GFOD1: variants seen among roughly 807,000 people sequenced by gnomAD.
GFOD1 encodes Gfo/Idh/MocA-like oxidoreductase domain containing 1, also known as glucose-fructose oxidoreductase domain-containing protein 1.
GFOD1 carries 9 observed loss-of-function variants against 25.4 expected under a neutral mutation model. The observed-to-expected ratio is 0.35, with a 90% CI of 0.21 to 0.62. GFOD1 has a LOEUF of 0.62. GFOD1 is among the 20% of genes least tolerant of loss of function. GFOD1 has a pLI of 0.72. For missense variants in GFOD1, 403 were observed against 556.9 expected (o/e 0.72, Z 2.78); for synonymous variants, 253 against 245.6 (o/e 1.03, Z -0.28).
At chr6:13,371,408 G>C (rs1785152580) in intron 1 of GFOD1, among the ~76,000 whole-genome samples, 1 of 152,194 alleles carries the variant, frequency 6.6e-6, no homozygotes, top group African/African-American at 2.4e-5. Flanking sequence ...ACCTCTGGGA[G>C]CACCAGGCCA....
At chr6:13,413,735 AC>A (rs983305495) in intron 1 of GFOD1, among the ~76,000 whole-genome samples, 2 of 152,196 alleles carry the variant, frequency 1.3e-5, no homozygotes, top group African/African-American at 2.4e-5. Context: ...CCTTGTCCAA[AC>A]AAGCATGTGT....
intron 1 of GFOD1, among the ~76,000 whole-genome samples, chr6:13,377,660 C>A (rs1785281133): frequency 6.6e-6 from 1 of 152,148 alleles, no homozygotes; most frequent in Admixed American, 6.5e-5. Context: ...CCCCTTTTTG[C>A]CGTAGAACTA....
rs143596583 is a variant in GFOD1 at position 13,472,491 on chromosome 6, T to C, written c.253+14147A>G. ...CATTTTAAACAAAGCCCTGTTTAGG[T>C]CAACAACCTTCTGAGATGGGTACTT... On this transcript the variant is annotated intron_variant, in intron 1 of 1. Coordinates refer to ENST00000379287, the MANE Select transcript of GFOD1 (RefSeq NM_018988.4). 7.2e-5 allele frequency among the ~76,000 whole-genome samples: 11 copies of C among 152,298 alleles called. No individual in the cohort carries two copies. In the East Asian group the frequency reaches 2.1e-3, roughly 29 times the overall value.
intron 1 of GFOD1, among the ~76,000 whole-genome samples, chr6:13,476,841 C>A (rs1462840582): frequency 6.6e-6 from 1 of 152,152 alleles, no homozygotes; most frequent in Non-Finnish European, 1.5e-5. Flanking sequence ...CAAGGAAAGT[C>A]TAAACCCCAA....
chr6:13,441,821 A>C (rs1481416461), intron 1 of GFOD1, among the ~76,000 whole-genome samples: 1 of 152,264 alleles, frequency 6.6e-6, no homozygotes, highest in Non-Finnish European at 1.5e-5. Context: ...ATACATATTT[A>C]AGAAAGATTA....
At chr6:13,486,362 A>T (rs1758869817) in intron 1 of GFOD1, 1 of 534,624 alleles carries the variant, frequency 1.9e-6, no homozygotes, top group Non-Finnish European at 3.3e-6. Context: ...CCTAGTTCGG[A>T]TCCCCGGAAC....
chr6:13,393,368 CAAAAA>C (rs70989853), intron 1 of GFOD1, among the ~76,000 whole-genome samples: 3 of 72,484 alleles, frequency 4.1e-5, no homozygotes, highest in African/African-American at 1.7e-4. Flanking sequence ...AAACAACCAC[CAAAAA>C]AAAAAAAAAA....
intron 1 of GFOD1, among the ~76,000 whole-genome samples, chr6:13,458,406 C>T (rs1302257315): frequency 2.6e-5 from 4 of 152,150 alleles, no homozygotes; most frequent in African/African-American, 9.7e-5. Flanking sequence ...CACAAGCCCC[C>T]ACGTCCAGCC....
At chr6:13,390,773 GA>G (rs201685423) in intron 1 of GFOD1, among the ~76,000 whole-genome samples, 3,664 of 92,000 alleles carry the variant, frequency 0.04, 237 homozygotes, top group African/African-American at 0.14. Context: ...GAGAGAGAGA[GA>G]GAGAGAAAGG....
At position 13,469,888 on chromosome 6, in the gene GFOD1, C is replaced by T. The variant is rs1004679743; in HGVS notation, c.253+16750G>A. 9 of 1,270,552 alleles carry T rather than the reference C, an allele frequency of 7.1e-6. No individual in the cohort carries two copies. In the African/African-American group the frequency reaches 1.4e-4, roughly 19 times the overall value. 78.7% of individuals were successfully genotyped at this position (1,270,552 alleles called of 1,614,324 possible). ...ACTCGTACTATGTCTCACACCAAAT[C>T]TGGCACATGGTAAGTACTCCATAGA... On this transcript the variant is annotated intron_variant, in intron 1 of 1. Coordinates refer to ENST00000379287, the MANE Select transcript of GFOD1 (RefSeq NM_018988.4).
intron 1 of GFOD1, among the ~76,000 whole-genome samples, chr6:13,370,953 G>A (rs1349553291): frequency 6.6e-6 from 1 of 152,118 alleles, no homozygotes; most frequent in Non-Finnish European, 1.5e-5. Context: ...CTTTGGACTC[G>A]GCTCTCCAGC....
intron 1 of GFOD1, among the ~76,000 whole-genome samples, chr6:13,478,592 C>T (rs999211783): frequency 6.6e-6 from 1 of 152,252 alleles, no homozygotes; most frequent in Non-Finnish European, 1.5e-5. Context: ...GTATCCCCCA[C>T]ACCGTGGGTA....
At chr6:13,385,543 G>C (rs1785451079) in intron 1 of GFOD1, among the ~76,000 whole-genome samples, 1 of 152,188 alleles carries the variant, frequency 6.6e-6, no homozygotes, top group South Asian at 2.1e-4. Context: ...CCAGACAAGA[G>C]AAGAAAATCA....
At chr6:13,394,884 G>A (rs1297292814) in intron 1 of GFOD1, among the ~76,000 whole-genome samples, 3 of 151,868 alleles carry the variant, frequency 2.0e-5, no homozygotes, top group Non-Finnish European at 4.4e-5. Flanking sequence ...CCACCAGCCT[G>A]GGCCTCCCAA....
intron 1 of GFOD1, among the ~76,000 whole-genome samples, chr6:13,445,619 C>A (rs1489741662): frequency 6.6e-6 from 1 of 152,254 alleles, no homozygotes; most frequent in African/African-American, 2.4e-5. Flanking sequence ...GAGGAAAAGA[C>A]AGCTGGGTCT....
chr6:13,390,673 G>A (rs1785572195), intron 1 of GFOD1, among the ~76,000 whole-genome samples: 1 of 150,192 alleles, frequency 6.7e-6, no homozygotes, highest in Non-Finnish European at 1.5e-5. Context: ...GCTGTAGTGA[G>A]CCATGCTAGC....
intron 1 of GFOD1, among the ~76,000 whole-genome samples, chr6:13,442,700 C>T (rs917707759): frequency 7.2e-5 from 11 of 152,282 alleles, no homozygotes; most frequent in East Asian, 3.9e-4. Context: ...CATGGAACAA[C>T]GAAGCTTGGA....
chr6:13,391,075 G>T (rs1227481067), intron 1 of GFOD1, among the ~76,000 whole-genome samples: 2 of 152,140 alleles, frequency 1.3e-5, no homozygotes, highest in East Asian at 3.8e-4. Flanking sequence ...GGGAAAGGAA[G>T]AAAGAAGCCC....
At chr6:13,446,901 C>T (rs1419199607) in intron 1 of GFOD1, among the ~76,000 whole-genome samples, 1 of 152,190 alleles carries the variant, frequency 6.6e-6, no homozygotes, top group African/African-American at 2.4e-5. Context: ...TCTAGGTGTC[C>T]AAAACAGAGA....
Sources: gnomAD v4.1 joint callset for allele counts (sites outside exome capture counted in the v4.1 genomes callset) on GRCh38, gnomAD v4.1.1 for gene constraint, MANE v1.5 for transcripts, NCBI Gene and HGNC (gene_info 2026-07-23, HGNC 2026-07-21) for gene names.